Variants in RUNDC3B observed in about 807,000 individuals in gnomAD.
The protein encoded by RUNDC3B is RUN domain-containing protein 3B.
In RUNDC3B, 33 loss-of-function variants were observed where a neutral mutation model predicts 58.4. The observed-to-expected ratio is 0.56, with a 90% CI of 0.43 to 0.75. The LOEUF (loss-of-function observed/expected upper bound fraction) is 0.75. Among genes scored for constraint, RUNDC3B ranks in the 30% least tolerant of loss-of-function variants. The pLI, the probability that RUNDC3B is intolerant of heterozygous loss-of-function variation, is 0.00. For synonymous variants in RUNDC3B, 193 were observed against 195.2 expected (o/e 0.99, Z 0.10); for missense variants, 501 against 535.7 (o/e 0.94, Z 0.64).
rs541680951 is a variant in RUNDC3B, at chr7:87,773,641, T to G, written c.798+2892T>G. 1.5e-3 allele frequency among the ~76,000 whole-genome samples: 225 copies of G among 147,846 alleles called. 5 individuals are homozygous for G. In the South Asian group the frequency reaches 0.038, roughly 25 times the overall value. The stretch of plus-strand genomic sequence containing the variant: ...AGTGGAGTTATTTTTGTTTGGTTTG[T>G]TTTGTTTTTGTCTTGTCTTGTTTTG... On this transcript the variant is annotated intron_variant, in intron 7 of 10. Transcript: ENST00000394654.
At chr7:87,822,779 A>G (rs1837553903) in intron 10 of RUNDC3B, among the ~76,000 whole-genome samples, 2 of 152,182 alleles carry the variant, frequency 1.3e-5, no homozygotes, top group Non-Finnish European at 2.9e-5. Flanking sequence ...TCAGCAAACT[A>G]TCGCAAGGAC....
Position 87,754,312 on chromosome 7 carries a change from G to A in RUNDC3B, c.629+12733G>A, listed in dbSNP as rs75361336. On this transcript the variant is annotated intron_variant, in intron 6 of 10. Transcript: ENST00000394654. ...CACTCAAAACCATGAAATTATGTAG[G>A]AATTAAACAACATGCTCCTGATTGA... Among the ~76,000 whole-genome samples, 434 of 152,136 alleles carry A rather than the reference G, an allele frequency of 2.9e-3. 2 individuals carry two copies. The highest frequency in any genetic ancestry group is 9.5e-3 in the African/African-American group (394 of 41,546).
chr7:87,717,583 A>G (rs1830632815), intron 4 of RUNDC3B, among the ~76,000 whole-genome samples: 1 of 152,082 alleles, frequency 6.6e-6, no homozygotes, highest in Non-Finnish European at 1.5e-5. Context: ...TATTTGAAAG[A>G]TATAATGATA....
intron 2 of RUNDC3B, among the ~76,000 whole-genome samples, chr7:87,680,195 A>G (rs1826787115): frequency 6.6e-6 from 1 of 150,386 alleles, no homozygotes; most frequent in Admixed American, 6.6e-5. Flanking sequence ...GTCCCTGCAA[A>G]GGACATGACC....
Position 87,628,648 on chromosome 7 carries a change from C to A in RUNDC3B, c.-176C>A. 2.7e-6 allele frequency: 1 copy of A among 376,338 alleles called. No homozygotes were observed. The highest frequency in any genetic ancestry group is 4.6e-6 in the Non-Finnish European group (1 of 215,776). 23.3% of individuals were successfully genotyped at this position (376,338 alleles called of 1,614,324 possible). On this transcript the variant is annotated 5_prime_UTR_variant, in exon 1 of 11. Transcript: ENST00000394654. The stretch of plus-strand genomic sequence containing the variant: ...GTGGAGCTCGGGTGCCAAGGGCGAG[C>A]CGTCAGTCCCCGGGTGCGAGTCCCT...
intron 9 of RUNDC3B, among the ~76,000 whole-genome samples, chr7:87,807,999 C>T (rs1415958082): frequency 6.6e-6 from 1 of 152,106 alleles, no homozygotes; most frequent in Non-Finnish European, 1.5e-5. Flanking sequence ...TCCCGATGTT[C>T]AGGACTATTT....
chr7:87,760,374 A>G (rs1171084939), intron 6 of RUNDC3B, among the ~76,000 whole-genome samples: 1 of 152,080 alleles, frequency 6.6e-6, no homozygotes, highest in Non-Finnish European at 1.5e-5. Flanking sequence ...ATGAATTGAA[A>G]CACTTCATAT....
At chr7:87,794,810 A>G (rs76028916) in intron 8 of RUNDC3B, among the ~76,000 whole-genome samples, 2,932 of 152,292 alleles carry the variant, frequency 0.019, 65 homozygotes, top group Non-Finnish European at 0.032. Context: ...TATAATAGAC[A>G]ACCAAGAAAC....
intron 4 of RUNDC3B, 35 bp downstream of exon 4, chr7:87,710,690 T>A: frequency 1.7e-6 from 2 of 1,164,486 alleles, no homozygotes; most frequent in Non-Finnish European, 2.5e-6. Flanking sequence ...AATATATATT[T>A]GAAAGAATCA....
intron 1 of RUNDC3B, among the ~76,000 whole-genome samples, chr7:87,632,945 G>A (rs962931314): frequency 3.3e-5 from 5 of 152,080 alleles, no homozygotes; most frequent in Admixed American, 3.3e-4. Context: ...TAGCTAGGAG[G>A]GACTAATAAG....
At chr7:87,817,706 C>T (rs577491794) in intron 10 of RUNDC3B, among the ~76,000 whole-genome samples, 28 of 152,290 alleles carry the variant, frequency 1.8e-4, no homozygotes, top group African/African-American at 6.5e-4. Flanking sequence ...TCTCTGTTCC[C>T]AGCCCATGCC....
At chr7:87,712,702 A>C (rs796554081) in intron 4 of RUNDC3B, among the ~76,000 whole-genome samples, 4 of 152,056 alleles carry the variant, frequency 2.6e-5, no homozygotes, top group Admixed American at 2.0e-4. Flanking sequence ...ATGCTTTTTC[A>C]TAGAAAGGAA....
At chr7:87,654,554 C>T (rs867849735) in intron 2 of RUNDC3B, among the ~76,000 whole-genome samples, 1 of 151,966 alleles carries the variant, frequency 6.6e-6, no homozygotes, top group Non-Finnish European at 1.5e-5. Context: ...TTAGACCCTT[C>T]ACACTACAGA....
chr7:87,665,840 G>T (rs1226148569), intron 2 of RUNDC3B, among the ~76,000 whole-genome samples: 3 of 152,014 alleles, frequency 2.0e-5, no homozygotes, highest in African/African-American at 7.2e-5. Context: ...ATGATCTCCA[G>T]CTTGATCCAT....
intron 10 of RUNDC3B, among the ~76,000 whole-genome samples, chr7:87,821,560 C>G (rs538982233): frequency 6.6e-6 from 1 of 152,204 alleles, no homozygotes; most frequent in Admixed American, 6.5e-5. Flanking sequence ...CATGTGGAAT[C>G]AAAAAAGAGC....
intron 1 of RUNDC3B, among the ~76,000 whole-genome samples, chr7:87,646,196 A>G (rs1822982393): frequency 6.6e-6 from 1 of 152,242 alleles, no homozygotes; most frequent in South Asian, 2.1e-4. Flanking sequence ...TGAGTAATGT[A>G]GAAAAATATT....
intron 4 of RUNDC3B, among the ~76,000 whole-genome samples, chr7:87,738,778 A>G (rs1315289823): frequency 6.6e-6 from 1 of 151,974 alleles, no homozygotes; most frequent in African/African-American, 2.4e-5. Flanking sequence ...GCAAGTATCA[A>G]GTAATATGTT....
At chr7:87,777,644 A>T (rs1008164856) in intron 7 of RUNDC3B, among the ~76,000 whole-genome samples, 154 bp from the exon 8 acceptor site, 2 of 152,246 alleles carry the variant, frequency 1.3e-5, no homozygotes, top group East Asian at 3.8e-4. Flanking sequence ...TTTATATTCA[A>T]TTAAGACAAA....
intron 2 of RUNDC3B, among the ~76,000 whole-genome samples, chr7:87,696,442 A>C (rs577035266): frequency 2.6e-5 from 4 of 152,280 alleles, no homozygotes; most frequent in African/African-American, 9.6e-5. Flanking sequence ...TTCAAATAAT[A>C]TCGCAGATAA....
Sources: allele counts gnomAD v4.1 joint callset (sites outside exome capture counted in the v4.1 genomes callset), GRCh38; gene constraint gnomAD v4.1.1; transcripts MANE v1.5; gene names NCBI Gene and HGNC (gene_info 2026-07-23, HGNC 2026-07-21).